The following DEPDC5 variants were observed in gnomAD, a reference collection of about 807,000 sequenced individuals.
DEPDC5 encodes the protein GATOR1 complex protein DEPDC5.
DEPDC5 carries 73 observed loss-of-function variants against 217.3 expected under a neutral mutation model. The observed-to-expected ratio is 0.34, with a 90% CI of 0.28 to 0.41. The LOEUF (loss-of-function observed/expected upper bound fraction) is 0.41, where lower values mean the gene tolerates loss of function less well. DEPDC5 is among the 10% of genes least tolerant of loss of function. The probability of loss-of-function intolerance (pLI) is 1.00; values close to 1 mark genes in which losing one functional copy is unlikely to be tolerated. For synonymous variants in DEPDC5, 733 were observed against 756.7 expected (o/e 0.97, Z 0.51); for missense variants, 1,675 against 2,070.1 (o/e 0.81, Z 3.70).
At chr22:31,875,239 T>G (rs1334053192) in intron 36 of DEPDC5, 1 of 167,104 alleles carries the variant, frequency 6.0e-6, no homozygotes, top group Non-Finnish European at 1.5e-5. Context: ...CCGTATACAC[T>G]CTCGTCTCCC....
rs2093772878 is a variant in DEPDC5 at position 31,907,422 on chromosome 22, T to C, written c.*925T>C. On this transcript the variant is annotated 3_prime_UTR_variant, in exon 43 of 43. Transcript: ENST00000651528. ...GTTTTTTTTGACACAGTTTTCACTC[T>C]TGTTGCCCAGGCTGGAGTGCAATGG... is the stretch of plus-strand genomic sequence containing the variant. 1 of 152,176 alleles carries C rather than the reference T, an allele frequency of 6.6e-6. No homozygotes were observed. Among genetic ancestry groups the C allele is most frequent in the Non-Finnish European group, 1.5e-5 (1 of 68,064 alleles). The allele number at this position is 152,176 out of a possible 1,614,324, so 9.4% of individuals were successfully genotyped here.
intron 24 of DEPDC5, among the ~76,000 whole-genome samples, chr22:31,823,554 AG>A (rs1170145781): frequency 6.7e-6 from 1 of 149,628 alleles, no homozygotes; most frequent in Non-Finnish European, 1.5e-5. Flanking sequence ...AAAAAAAAAA[AG>A]AGAAGTGAGC....
intron 41 of DEPDC5, among the ~76,000 whole-genome samples, chr22:31,902,388 A>G (rs535265100): frequency 7.8e-5 from 11 of 141,128 alleles, no homozygotes; most frequent in African/African-American, 2.4e-4. Flanking sequence ...CACCTTCTCC[A>G]GTATCCTGTC....
chr22:31,831,437 A>G (rs944921539), intron 24 of DEPDC5, among the ~76,000 whole-genome samples: 1 of 152,098 alleles, frequency 6.6e-6, no homozygotes, highest in Non-Finnish European at 1.5e-5. Flanking sequence ...TGGCCAGGTG[A>G]TGTCATCTTT....
chr22:31,850,796 C>T (rs1043894481), intron 31 of DEPDC5, among the ~76,000 whole-genome samples: 23 of 152,194 alleles, frequency 1.5e-4, no homozygotes, highest in East Asian at 5.8e-4. Flanking sequence ...TGAGGCCGGG[C>T]GCAGTGGCTC....
intron 4 of DEPDC5, among the ~76,000 whole-genome samples, chr22:31,762,282 C>T (rs186117050): frequency 2.5e-4 from 38 of 152,268 alleles, no homozygotes; most frequent in African/African-American, 8.2e-4. Flanking sequence ...TATTATCTGC[C>T]GGACTATACA....
At chr22:31,895,929 G>A (rs2093543533) in intron 39 of DEPDC5, among the ~76,000 whole-genome samples, 2 of 151,800 alleles carry the variant, frequency 1.3e-5, no homozygotes, top group Admixed American at 1.3e-4. Context: ...CCAGCTCACT[G>A]ATACCAGCAT....
intron 33 of DEPDC5, among the ~76,000 whole-genome samples, chr22:31,867,538 A>G (rs971383709): frequency 7.2e-5 from 11 of 152,232 alleles, no homozygotes; most frequent in African/African-American, 2.4e-4. Flanking sequence ...ATACATAGAT[A>G]GAGCAGAGGT....
chr22:31,837,354 T>A, intron 26 of DEPDC5, 199 bp downstream of exon 26: 1 of 475,144 alleles, frequency 2.1e-6, no homozygotes, highest in Non-Finnish European at 3.5e-6. Flanking sequence ...TTTTTTTCCT[T>A]TTTTTTTTTT....
At chr22:31,823,576 G>C (rs971050073) in intron 24 of DEPDC5, among the ~76,000 whole-genome samples, 2 of 149,350 alleles carry the variant, frequency 1.3e-5, no homozygotes, top group Non-Finnish European at 3.0e-5. Context: ...ACGCACCAAA[G>C]ACTTGAAGGG....
chr22:31,881,259 C>T (rs574698526), intron 38 of DEPDC5, among the ~76,000 whole-genome samples: 1 of 150,918 alleles, frequency 6.6e-6, no homozygotes, highest in Non-Finnish European at 1.5e-5. Context: ...CTGAGATCGC[C>T]CCATTGTACT....
chr22:31,800,673 CT>C (rs1219848817), intron 14 of DEPDC5, among the ~76,000 whole-genome samples: 1 of 151,910 alleles, frequency 6.6e-6, no homozygotes. Flanking sequence ...TTAAAATCTA[CT>C]TTAAAAAAAA....
At chr22:31,900,410 T>C (rs1258325685) in intron 40 of DEPDC5, among the ~76,000 whole-genome samples, 1 of 152,138 alleles carries the variant, frequency 6.6e-6, no homozygotes, top group Non-Finnish European at 1.5e-5. Context: ...GCTTATAATA[T>C]TTGCCCTTTC....
chr22:31,874,332 C>T lies in DEPDC5; in HGVS notation c.3623C>T (p.Ala1208Val), dbSNP rs772280549. Residue 1208 changes from alanine to valine, a missense_variant, in exon 36 of 43, where the codon GCG (alanine) becomes GTG (valine). By Grantham distance (64) the Ala-to-Val change is moderately conservative. Transcript: ENST00000651528. ...CTCTCACCGTACTGCTTCATCAGCG[C>T]GGAGGTGGTACACTGGTTGGTGAAC... Reference protein sequence around the residue: ...KGLSPYCFISAEVVHWLVNHV... With the variant: ...KGLSPYCFISVEVVHWLVNHV... 1.1e-5 allele frequency: 17 copies of T among 1,610,476 alleles called. No individual in the cohort carries two copies. The highest frequency in any genetic ancestry group is 5.0e-5 in the Admixed American group (3 of 59,584).
intron 31 of DEPDC5, among the ~76,000 whole-genome samples, chr22:31,856,315 C>T (rs1174712286): frequency 6.6e-6 from 1 of 152,128 alleles, no homozygotes; most frequent in Non-Finnish European, 1.5e-5. Context: ...ACAACTGAGA[C>T]AGAGCCTCCT....
intron 7 of DEPDC5, among the ~76,000 whole-genome samples, chr22:31,777,505 C>T (rs1279920280): frequency 1.3e-5 from 2 of 151,842 alleles, no homozygotes. Context: ...CGTGATCTGC[C>T]CTCCGTGGCC....
At chr22:31,845,748 C>CGTGTGTGTGTGT (rs369816632) in intron 30 of DEPDC5, among the ~76,000 whole-genome samples, 2 of 149,368 alleles carry the variant, frequency 1.3e-5, no homozygotes, top group African/African-American at 4.9e-5. Context: ...GTATAATTGA[C>CGTGTGTGTGTGT]GTGTGTGTGT....
intron 9 of DEPDC5, 161 bp from the exon 10 acceptor site, chr22:31,784,653 C>A: frequency 1.8e-6 from 1 of 566,404 alleles, no homozygotes; most frequent in South Asian, 2.3e-5. Flanking sequence ...CAAAATACAC[C>A]TTCTTTTTGG....
rs1320532515 is a variant in DEPDC5, at chr22:31,768,971, A to G, written c.413+108A>G. 3 of 1,444,924 alleles carry G rather than the reference A, an allele frequency of 2.1e-6. No individual in the cohort carries two copies. In the African/African-American group the frequency reaches 4.2e-5, roughly 20 times the overall value. The allele number at this position is 1,444,924 out of a possible 1,614,324, so 89.5% of individuals were successfully genotyped here. A position where few individuals can be genotyped will look rare whatever the true frequency, so the allele number is the denominator to read the frequency against. ...AAAATGTGTAAAAGTATAAAATGTTAGATTGTTGGCTGGCCACAGTGGCTC... is the reference window on the plus strand; with the variant it reads ...AAAATGTGTAAAAGTATAAAATGTTGGATTGTTGGCTGGCCACAGTGGCTC... On this transcript the variant is annotated intron_variant, in intron 7 of 42. Coordinates refer to ENST00000651528, the MANE Select transcript of DEPDC5 (RefSeq NM_001242896.3).
Sources: gnomAD v4.1 joint callset for allele counts (sites outside exome capture counted in the v4.1 genomes callset) on GRCh38, gnomAD v4.1.1 for gene constraint, MANE v1.5 for transcripts, NCBI Gene and HGNC (gene_info 2026-07-23, HGNC 2026-07-21) for gene names.